ACMSD: variants seen among roughly 807,000 people sequenced by gnomAD.
The protein encoded by ACMSD is aminocarboxymuconate semialdehyde decarboxylase.
In ACMSD, 37 loss-of-function variants were observed where a neutral mutation model predicts 45.9. The observed-to-expected ratio is 0.81, with a 90% CI of 0.62 to 1.06. ACMSD has a LOEUF of 1.06. Ranked by LOEUF, ACMSD falls within the 50% of genes least tolerant of loss-of-function variation. The pLI is 0.00. For missense variants in ACMSD, 434 were observed against 420.9 expected, an observed-to-expected ratio of 1.03 and a Z score of -0.27; for synonymous variants, 138 against 148.8, an observed-to-expected ratio of 0.93 and a Z score of 0.53.
At chr2:134,882,137 G>C (rs1172820829) in intron 8 of ACMSD, among the ~76,000 whole-genome samples, 3 of 152,050 alleles carry the variant, frequency 2.0e-5, no homozygotes, top group Non-Finnish European at 2.9e-5. Context: ...AAAAAAAGGT[G>C]GGGGAGGGTA....
At chr2:134,840,060 G>C (rs1686711986) in intron 1 of ACMSD, among the ~76,000 whole-genome samples, 2 of 149,208 alleles carry the variant, frequency 1.3e-5, no homozygotes, top group Non-Finnish European at 3.0e-5. Context: ...TGACTAACTT[G>C]TGATACAGGT....
At chr2:134,868,408 A>G (rs1015978844) in intron 6 of ACMSD, among the ~76,000 whole-genome samples, 1 of 151,324 alleles carries the variant, frequency 6.6e-6, no homozygotes, top group East Asian at 1.9e-4. Context: ...TACAAACCCA[A>G]TGAAAACTTG....
At chr2:134,867,254 C>G (rs1468284964) in intron 5 of ACMSD, 6 of 174,910 alleles carry the variant, frequency 3.4e-5, no homozygotes, top group African/African-American at 1.4e-4. Context: ...GGGATTAGTC[C>G]TTGAGCATTT....
At chr2:134,863,364 A>G in intron 4 of ACMSD, 31 bp from the exon 5 acceptor site, 1 of 1,598,928 alleles carries the variant, frequency 6.3e-7, no homozygotes, top group Non-Finnish European at 8.6e-7. Flanking sequence ...GGTTTTCAAC[A>G]ATGCGGTTTT....
At chr2:134,858,727 T>G (rs1041578267) in intron 2 of ACMSD, among the ~76,000 whole-genome samples, 5 of 151,968 alleles carry the variant, frequency 3.3e-5, no homozygotes, top group African/African-American at 1.2e-4. Context: ...AGTACCAAAT[T>G]TTGTGCTTGC....
At chr2:134,839,032 A>C (rs113895547) in intron 1 of ACMSD, among the ~76,000 whole-genome samples, 6,196 of 152,306 alleles carry the variant, frequency 0.041, 187 homozygotes, top group Middle Eastern at 0.088. Flanking sequence ...CTTTTCAAAA[A>C]TCACATATTC....
At chr2:134,847,750 T>C (rs908207717) in intron 2 of ACMSD, among the ~76,000 whole-genome samples, 6 of 152,292 alleles carry the variant, frequency 3.9e-5, no homozygotes, top group African/African-American at 1.4e-4. Context: ...GGAATGATGG[T>C]TTCCAGCTTC....
At chr2:134,896,210 C>T (rs908467621) in intron 8 of ACMSD, among the ~76,000 whole-genome samples, 1 of 152,112 alleles carries the variant, frequency 6.6e-6, no homozygotes, top group African/African-American at 2.4e-5. Context: ...TAGAAGAAAC[C>T]ATAGGTGTAA....
intron 2 of ACMSD, among the ~76,000 whole-genome samples, chr2:134,851,679 G>A (rs1687352973): frequency 6.6e-6 from 1 of 152,166 alleles, no homozygotes; most frequent in Non-Finnish European, 1.5e-5. Context: ...CTAACCTCGG[G>A]TTATCCACCC....
At position 134,872,588 on chromosome 2, in the gene ACMSD, G is replaced by A; in HGVS notation, c.796G>A (p.Ala266Thr). 1 of 1,614,136 alleles carries A rather than the reference G, an allele frequency of 6.2e-7. No homozygotes were observed. The highest frequency in any genetic ancestry group is 1.7e-5 in the Admixed American group (1 of 60,016). ...ATACCTTGGTTCCTTTTACACAGATGCTTTGGTTCATGATCCTCTGTCCCT... is the reference window on the plus strand; with the variant it reads ...ATACCTTGGTTCCTTTTACACAGATACTTTGGTTCATGATCCTCTGTCCCT... The part of the protein sequence containing the change: ...KKYLGSFYTD[A>T]LVHDPLSLKL... The change falls in exon 8 of 10, where the codon GCT becomes ACT. Residue 266 changes from alanine (A) to threonine (T), a missense_variant. Transcript: ENST00000356140.
intron 8 of ACMSD, among the ~76,000 whole-genome samples, chr2:134,884,071 A>C (rs1689192389): frequency 1.3e-5 from 2 of 152,258 alleles, no homozygotes; most frequent in African/African-American, 4.8e-5. Context: ...AATGAGATGT[A>C]CAGACAGATA....
At chr2:134,878,630 T>G (rs79200786) in intron 8 of ACMSD, among the ~76,000 whole-genome samples, 1 of 152,196 alleles carries the variant, frequency 6.6e-6, no homozygotes. Flanking sequence ...CCAGGCCAAT[T>G]CAACATAGCT....
chr2:134,869,685 G>C (rs1688323394), intron 6 of ACMSD, among the ~76,000 whole-genome samples: 1 of 151,376 alleles, frequency 6.6e-6, no homozygotes, highest in South Asian at 2.1e-4. Context: ...ATTCTGGTTA[G>C]AGGAAAGAGA....
chr2:134,886,246 A>ATTATTATTATTTTT, intron 8 of ACMSD, among the ~76,000 whole-genome samples: 27 of 115,450 alleles, frequency 2.3e-4, no homozygotes, highest in Middle Eastern at 8.7e-3. Context: ...TATTATTATT[A>ATTATTATTATTTTT]TTTTTTTTTT....
At chr2:134,893,486 T>A (rs1299875587) in intron 8 of ACMSD, among the ~76,000 whole-genome samples, 1 of 152,142 alleles carries the variant, frequency 6.6e-6, no homozygotes, top group East Asian at 1.9e-4. Flanking sequence ...CTGTGCTGGC[T>A]ACATATTTTT....
chr2:134,901,085 G>A (rs906008470), intron 9 of ACMSD, among the ~76,000 whole-genome samples: 9 of 152,160 alleles, frequency 5.9e-5, no homozygotes, highest in African/African-American at 1.9e-4. Context: ...TAAGAACCCT[G>A]AAGTGGTCAT....
intron 2 of ACMSD, among the ~76,000 whole-genome samples, chr2:134,848,299 A>G (rs1276292672): frequency 6.6e-6 from 1 of 152,228 alleles, no homozygotes; most frequent in Non-Finnish European, 1.5e-5. Context: ...ATACCCAGTG[A>G]TGAGATTGCT....
chr2:134,850,518 T>G (rs1046595744), intron 2 of ACMSD, among the ~76,000 whole-genome samples: 4 of 152,186 alleles, frequency 2.6e-5, no homozygotes, highest in Admixed American at 6.5e-5. Context: ...TCCACCTGCT[T>G]CGTCCCCCCA....
intron 1 of ACMSD, among the ~76,000 whole-genome samples, chr2:134,839,083 T>A (rs1686664884): frequency 1.3e-5 from 2 of 152,210 alleles, no homozygotes. Context: ...AATTTAAAGT[T>A]ACAATTTTAA....
Sources: gnomAD v4.1 joint callset for allele counts (sites outside exome capture counted in the v4.1 genomes callset) on GRCh38, gnomAD v4.1.1 for gene constraint, MANE v1.5 for transcripts, NCBI Gene and HGNC (gene_info 2026-07-23, HGNC 2026-07-21) for gene names.